Variants in CELF2 observed in about 807,000 individuals in gnomAD.
CELF2 encodes CUG triplet repeat RNA-binding protein 2.
In CELF2, 8 loss-of-function variants were observed where a neutral mutation model predicts 62.6. That is an observed-to-expected ratio of 0.13 (90% CI 0.07 to 0.23). The LOEUF is 0.23. Ranked by LOEUF, CELF2 falls within the 10% of genes least tolerant of loss-of-function variation. The probability of loss-of-function intolerance (pLI) is 1.00; values close to 1 mark genes in which losing one functional copy is unlikely to be tolerated. For synonymous variants in CELF2, 258 were observed against 250.0 expected, an observed-to-expected ratio of 1.03 and a Z score of -0.30; for missense variants, 333 against 671.0, an observed-to-expected ratio of 0.50 and a Z score of 5.56.
At chr10:10,558,903 C>G in the CELF2 span, among the ~76,000 whole-genome samples, 646 of 151,956 alleles carry the variant, frequency 4.3e-3, 4 homozygotes, top group Non-Finnish European at 6.8e-3. Context: ...GCAGCTAGTC[C>G]GAACAGACTG....
chr10:10,469,538 G>A, the CELF2 span, among the ~76,000 whole-genome samples: 1 of 151,806 alleles, frequency 6.6e-6, no homozygotes, highest in Non-Finnish European at 1.5e-5. Flanking sequence ...ATGAACTGAG[G>A]ATCTGATTTG....
intron 1 of CELF2, among the ~76,000 whole-genome samples, chr10:10,865,186 A>G (rs1018462598): frequency 3.9e-5 from 6 of 152,212 alleles, no homozygotes; most frequent in African/African-American, 1.4e-4. Flanking sequence ...CGTAGAAAAT[A>G]TGGTCTGCTT....
At chr10:10,987,602 A>G (rs765308859) in intron 2 of CELF2, among the ~76,000 whole-genome samples, 78 of 152,114 alleles carry the variant, frequency 5.1e-4, no homozygotes, top group Non-Finnish European at 1.0e-3. Context: ...AAAGAATTAT[A>G]CTCCACAATC....
chr10:10,740,987 A>G, the CELF2 span, among the ~76,000 whole-genome samples: 1 of 152,244 alleles, frequency 6.6e-6, no homozygotes, highest in Admixed American at 6.5e-5. Flanking sequence ...GGCAGAATTC[A>G]TAATTCTAGG....
chr10:11,160,531 C>T (rs1335494250), intron 1 of CELF2, among the ~76,000 whole-genome samples: 5 of 151,270 alleles, frequency 3.3e-5, no homozygotes, highest in African/African-American at 1.2e-4. Context: ...AATTCAATTC[C>T]TTAGTTGCAT....
the CELF2 span, among the ~76,000 whole-genome samples, chr10:10,739,238 A>G: frequency 2.0e-3 from 303 of 152,330 alleles, 1 homozygote; most frequent in African/African-American, 7.0e-3. Flanking sequence ...GAATATTAAC[A>G]AAACAGTGAG....
At chr10:11,241,593 G>C (rs1339969595) in intron 3 of CELF2, among the ~76,000 whole-genome samples, 1 of 152,206 alleles carries the variant, frequency 6.6e-6, no homozygotes, top group African/African-American at 2.4e-5. Context: ...GTTTACCGTA[G>C]TGTTAGTGTT....
intron 1 of CELF2, among the ~76,000 whole-genome samples, chr10:10,805,633 G>A (rs549255382): frequency 1.4e-4 from 21 of 152,180 alleles, no homozygotes; most frequent in Non-Finnish European, 2.6e-4. Flanking sequence ...GTCTTTTAAT[G>A]AGGGGGGGAG....
intron 2 of CELF2, among the ~76,000 whole-genome samples, chr10:10,992,728 G>A (rs1484625216): frequency 6.6e-6 from 1 of 152,190 alleles, no homozygotes; most frequent in East Asian, 1.9e-4. Flanking sequence ...TAGTTAAATA[G>A]AAAGGTAATT....
chr10:10,525,513 C>G, the CELF2 span, among the ~76,000 whole-genome samples: 314 of 152,292 alleles, frequency 2.1e-3, 1 homozygote, highest in African/African-American at 7.3e-3. Flanking sequence ...CTCCTTCTGA[C>G]CCCGTGTAAC....
At chr10:10,739,986 G>C in the CELF2 span, among the ~76,000 whole-genome samples, 1 of 152,032 alleles carries the variant, frequency 6.6e-6, no homozygotes, top group African/African-American at 2.4e-5. Context: ...CTATTTAGCT[G>C]TGTGAGTTCC....
chr10:10,711,224 A>T, the CELF2 span, among the ~76,000 whole-genome samples: 1 of 152,240 alleles, frequency 6.6e-6, no homozygotes, highest in Non-Finnish European at 1.5e-5. Flanking sequence ...ATAGCCAATC[A>T]TGTGACTTGC....
At chr10:10,567,460 G>A in the CELF2 span, among the ~76,000 whole-genome samples, 1 of 152,092 alleles carries the variant, frequency 6.6e-6, no homozygotes, top group Non-Finnish European at 1.5e-5. Context: ...AATACCCAAG[G>A]GAAAGGCAGG....
chr10:11,056,524 A>C (rs1213489534), intron 1 of CELF2, among the ~76,000 whole-genome samples: 7 of 152,254 alleles, frequency 4.6e-5, no homozygotes, highest in African/African-American at 1.7e-4. Flanking sequence ...TAAGGTAGAG[A>C]GCAAGAAAGA....
intron 1 of CELF2, among the ~76,000 whole-genome samples, chr10:11,023,682 T>C (rs911539856): frequency 6.6e-6 from 1 of 152,242 alleles, no homozygotes; most frequent in African/African-American, 2.4e-5. Context: ...CCATTTGTTC[T>C]AAATCATGAC....
chr10:10,705,907 G>A, the CELF2 span, among the ~76,000 whole-genome samples: 2 of 152,160 alleles, frequency 1.3e-5, no homozygotes, highest in Non-Finnish European at 2.9e-5. Flanking sequence ...TGCACCAGAT[G>A]ATAAATCAGA....
rs1417678338 is a variant in CELF2, at chr10:10,957,034, A to G, written c.89+37035A>G. On this transcript the variant is annotated intron_variant, in intron 2 of 13. Transcript: ENST00000636488. The surrounding 1 kb of genome is among the most constrained non-coding windows in gnomAD (Gnocchi z 4.1). Reference sequence around the variant, plus strand: ...CCTAACGCTGCTTCCTATAACTCCAATGAGTGGCCCCACCTCTGACATCTA... The same window carrying G: ...CCTAACGCTGCTTCCTATAACTCCAGTGAGTGGCCCCACCTCTGACATCTA... Among the ~76,000 whole-genome samples the G allele has an allele frequency of 1.3e-5, 2 of 152,186 alleles. No individual in the cohort carries two copies. The highest frequency in any genetic ancestry group is 2.9e-5 in the Non-Finnish European group (2 of 68,044).
the CELF2 span, among the ~76,000 whole-genome samples, chr10:10,592,493 A>C: frequency 6.6e-6 from 1 of 152,202 alleles, no homozygotes; most frequent in South Asian, 2.1e-4. Context: ...ACTGTCAGCC[A>C]ACCCAAAATG....
chr10:11,217,591 A>G lies in CELF2; in HGVS notation c.354+84A>G, dbSNP rs2063662312. ...CTGAAGGTTCTAGTTATGGGCTCTT[A>G]GTGCCAAAAATGACTTTGGTCTTTT... is the stretch of plus-strand genomic sequence containing the variant. On this transcript the variant is annotated intron_variant, in intron 3 of 12. Transcript: ENST00000633077. The surrounding 1 kb of genome is among the most constrained non-coding windows in gnomAD (Gnocchi z 5.6). 9.8e-7 allele frequency: 1 copy of G among 1,024,812 alleles called. No homozygotes were observed. The highest frequency in any genetic ancestry group is 1.6e-5 in the African/African-American group (1 of 61,746). 63.5% of individuals were successfully genotyped at this position (1,024,812 alleles called of 1,614,324 possible).
Sources: gnomAD v4.1 joint callset for allele counts (sites outside exome capture counted in the v4.1 genomes callset) on GRCh38, gnomAD v4.1.1 for gene constraint, Gnocchi (gnomAD v3.1) non-coding constraint, MANE v1.5 for transcripts, NCBI Gene and HGNC (gene_info 2026-07-23, HGNC 2026-07-21) for gene names.